MAPK6: variants seen among roughly 807,000 people sequenced by gnomAD.
MAPK6 encodes the protein mitogen-activated protein kinase 6.
In MAPK6, 19 loss-of-function variants were observed where a neutral mutation model predicts 59.3. The observed-to-expected ratio is 0.32, with a 90% CI of 0.22 to 0.47. MAPK6 has a LOEUF of 0.47. MAPK6 is among the 20% of genes least tolerant of loss of function. MAPK6 has a pLI of 1.00. For synonymous variants in MAPK6, 316 were observed against 290.3 expected, an observed-to-expected ratio of 1.09 and a Z score of -0.90; for missense variants, 724 against 847.9, an observed-to-expected ratio of 0.85 and a Z score of 1.81.
chr15:51,998,894 G>A (rs908479123), intron 2 of MAPK6, among the ~76,000 whole-genome samples: 5 of 149,572 alleles, frequency 3.3e-5, no homozygotes, highest in African/African-American at 9.9e-5. Context: ...GTTTCACTGT[G>A]TTAGTCAGGA....
Position 52,046,428 on chromosome 15 carries a change from T to A in MAPK6, c.-33T>A. 1 of 1,500,152 alleles carries A rather than the reference T, an allele frequency of 6.7e-7. No individual in the cohort carries two copies. Among genetic ancestry groups the A allele is most frequent in the South Asian group, 1.3e-5 (1 of 77,190 alleles). 92.9% of individuals were successfully genotyped at this position (1,500,152 alleles called of 1,614,324 possible). A position where few individuals can be genotyped will look rare whatever the true frequency, so the allele number is the denominator to read the frequency against. ...TCTTCCTTGTTTACACAAGTTCAATTTGAAAGGAAAAGGCAATAGTAAGGG... is the reference window on the plus strand; with the variant it reads ...TCTTCCTTGTTTACACAAGTTCAATATGAAAGGAAAAGGCAATAGTAAGGG... On this transcript the variant is annotated 5_prime_UTR_variant, in exon 2 of 6. It adds an upstream start codon to the 5' untranslated region. Coordinates refer to ENST00000261845, the MANE Select transcript of MAPK6 (RefSeq NM_002748.4).
chr15:52,050,106 T>G lies in MAPK6; in HGVS notation c.669T>G (p.Ala223=). The G allele has an allele frequency of 6.2e-7, 1 of 1,611,332 alleles. No individual in the cohort carries two copies. Among genetic ancestry groups the G allele is most frequent in the Non-Finnish European group, 8.5e-7 (1 of 1,179,434 alleles). ...IDMWAAGCIF[A]EMLTGKTLFA... is the part of the protein sequence containing the mutation. Reference sequence around the variant, plus strand: ...TGTGGGCTGCAGGCTGCATCTTTGCTGAAATGCTGACTGGTAAAACCCTTT... The same window carrying G: ...TGTGGGCTGCAGGCTGCATCTTTGCGGAAATGCTGACTGGTAAAACCCTTT... Residue 223 remains alanine (A), a synonymous_variant, in exon 3 of 6, where the codon GCT becomes GCG. Transcript: ENST00000261845.
At chr15:51,992,326 G>T (rs2057212427) in intron 2 of MAPK6, among the ~76,000 whole-genome samples, 1 of 110,832 alleles carries the variant, frequency 9.0e-6, no homozygotes, top group African/African-American at 3.8e-5. Flanking sequence ...TTTTGAGACA[G>T]AGTCTCGCAC....
At chr15:52,063,866 T>C (rs2032304501) in intron 5 of MAPK6, 36 bp from the exon 6 acceptor site, 1 of 1,511,266 alleles carries the variant, frequency 6.6e-7, no homozygotes, top group African/African-American at 1.4e-5. Flanking sequence ...TGAAATCATA[T>C]ACGTAGAATA....
intron 3 of MAPK6, among the ~76,000 whole-genome samples, chr15:52,054,521 C>T (rs2031894037): frequency 6.6e-6 from 1 of 152,136 alleles, no homozygotes; most frequent in Non-Finnish European, 1.5e-5. Flanking sequence ...TGTAAAATAT[C>T]TTTTTGTGAC....
intron 2 of MAPK6, among the ~76,000 whole-genome samples, chr15:51,994,148 C>T (rs1362584851): frequency 1.3e-5 from 2 of 151,938 alleles, no homozygotes; most frequent in Non-Finnish European, 2.9e-5. Context: ...TTAGTAGAGA[C>T]GGGGTTTCTC....
intron 3 of MAPK6, among the ~76,000 whole-genome samples, chr15:52,051,202 C>G (rs887422465): frequency 2.0e-5 from 3 of 152,086 alleles, no homozygotes; most frequent in African/African-American, 7.2e-5. Context: ...GGACTACAGG[C>G]GCCCGCCCCG....
At chr15:51,988,349 G>C (rs2057197456) in intron 2 of MAPK6, among the ~76,000 whole-genome samples, 1 of 152,092 alleles carries the variant, frequency 6.6e-6, no homozygotes, top group Admixed American at 6.6e-5. Flanking sequence ...AGAAAAGATA[G>C]AAACATTTGA....
chr15:51,994,655 T>C (rs917591327), intron 2 of MAPK6, among the ~76,000 whole-genome samples: 1 of 152,228 alleles, frequency 6.6e-6, no homozygotes, highest in Non-Finnish European at 1.5e-5. Flanking sequence ...AGAGTAACTT[T>C]ACAGTGGAAA....
intron 1 of MAPK6, among the ~76,000 whole-genome samples, chr15:52,032,451 A>G (rs1029552842): frequency 2.4e-4 from 36 of 152,030 alleles, no homozygotes; most frequent in African/African-American, 8.4e-4. Flanking sequence ...TGGCCTCCCA[A>G]AGTGCTGGGA....
intron 2 of MAPK6, among the ~76,000 whole-genome samples, chr15:52,000,092 C>T (rs1397475036): frequency 6.6e-6 from 1 of 152,080 alleles, no homozygotes; most frequent in Non-Finnish European, 1.5e-5. Flanking sequence ...GGTGTGCCAC[C>T]GTACCTGGCT....
At chr15:52,048,344 T>G (rs1357208630) in intron 2 of MAPK6, among the ~76,000 whole-genome samples, 9 of 151,976 alleles carry the variant, frequency 5.9e-5, no homozygotes, top group Non-Finnish European at 1.2e-4. Flanking sequence ...TTGGGCCAGG[T>G]ACAGTGGCTC....
At chr15:51,992,800 G>A (rs959879856) in intron 2 of MAPK6, among the ~76,000 whole-genome samples, 10 of 152,112 alleles carry the variant, frequency 6.6e-5, no homozygotes, top group African/African-American at 2.2e-4. Flanking sequence ...CAAAGGATAC[G>A]GATGGATGAA....
At chr15:52,035,688 G>T (rs550536094) in intron 1 of MAPK6, 1 of 151,222 alleles carries the variant, frequency 6.6e-6, no homozygotes, top group Non-Finnish European at 1.5e-5. Context: ...GCTTATAGTT[G>T]GGCCTCCTCC....
At chr15:51,983,986 A>AT (rs201348473) in intron 2 of MAPK6, among the ~76,000 whole-genome samples, 3 of 146,940 alleles carry the variant, frequency 2.0e-5, no homozygotes, top group Non-Finnish European at 4.4e-5. Context: ...ATACTGTCTC[A>AT]TTAAAAAAAA....
At chr15:51,974,420 G>T (rs2057151204) in intron 1 of MAPK6, among the ~76,000 whole-genome samples, 1 of 151,358 alleles carries the variant, frequency 6.6e-6, no homozygotes, top group African/African-American at 2.4e-5. Flanking sequence ...ACTTTGGGAG[G>T]CCGAGGCAGG....
At chr15:52,027,516 C>T (rs995268264) in intron 1 of MAPK6, 7 of 151,366 alleles carry the variant, frequency 4.6e-5, no homozygotes, top group Admixed American at 2.6e-4. Flanking sequence ...CATCTCTACC[C>T]GTTACTGTAA....
chr15:52,000,517 C>T (rs544780904), intron 2 of MAPK6, among the ~76,000 whole-genome samples: 1 of 152,082 alleles, frequency 6.6e-6, no homozygotes, highest in Non-Finnish European at 1.5e-5. Context: ...TTTTAAAAAA[C>T]TTTTCAATAG....
At chr15:52,024,006 A>G (rs952946073) in intron 1 of MAPK6, among the ~76,000 whole-genome samples, 1 of 152,252 alleles carries the variant, frequency 6.6e-6, no homozygotes, top group African/African-American at 2.4e-5. Context: ...TATAGCAAAT[A>G]CAATTTCCCA....
Sources: allele counts gnomAD v4.1 joint callset (sites outside exome capture counted in the v4.1 genomes callset), GRCh38; gene constraint gnomAD v4.1.1; transcripts MANE v1.5; gene names NCBI Gene and HGNC (gene_info 2026-07-23, HGNC 2026-07-21).